The following ACOT11 variants were observed in gnomAD, a reference collection of about 807,000 sequenced individuals.
ACOT11 encodes acyl-coenzyme A thioesterase 11.
ACOT11 carries 69 observed loss-of-function variants against 77.5 expected under a neutral mutation model. The observed-to-expected ratio is 0.89, with a 90% CI of 0.73 to 1.09. The LOEUF is 1.09. Ranked by LOEUF, ACOT11 falls within the 50% of genes least tolerant of loss-of-function variation. The probability of loss-of-function intolerance (pLI) is 0.00; values close to 1 mark genes in which losing one functional copy is unlikely to be tolerated. For synonymous variants in ACOT11, 279 were observed against 313.0 expected (o/e 0.89, Z 1.15); for missense variants, 766 against 813.7 (o/e 0.94, Z 0.71).
chr1:54,585,471 C>T (rs1039794924), intron 2 of ACOT11, among the ~76,000 whole-genome samples: 9 of 152,080 alleles, frequency 5.9e-5, no homozygotes, highest in South Asian at 2.1e-4. Flanking sequence ...TCCAGAAGGC[C>T]GGGAAGCAGG....
chr1:54,585,854 C>A lies in ACOT11; in HGVS notation c.261C>A (p.Cys87Ter). 3 of 1,614,048 alleles carry A rather than the reference C, an allele frequency of 1.9e-6. No individual in the cohort carries two copies. The highest frequency in any genetic ancestry group is 2.5e-6 in the Non-Finnish European group (3 of 1,179,972). The change falls in exon 3 of 16, where the codon TGC (cysteine) becomes TGA (stop). Residue 87 changes from cysteine (C) to a stop codon, truncating the protein, a stop_gained. Transcript: ENST00000343744. LOFTEE classifies it high-confidence loss of function. ...CACCAGCGGAGAGGCACGCTGGCTG[C>A]CCCTGTGTCACAGCTTCCATGGATG... ...ACLSAERHAGCPCVTASMDDI... is the reference protein window; with the variant it reads ...ACLSAERHAG
chr1:54,593,915 C>G, intron 4 of ACOT11, 26 bp from the exon 5 acceptor site: 1 of 1,599,790 alleles, frequency 6.3e-7, no homozygotes, highest in East Asian at 2.2e-5. Context: ...GTTCCTCATT[C>G]CTTCGCCCTT....
intron 1 of ACOT11, among the ~76,000 whole-genome samples, chr1:54,559,092 G>C (rs77216727): frequency 6.6e-6 from 1 of 152,188 alleles, no homozygotes; most frequent in East Asian, 1.9e-4. Context: ...TGACATGCCT[G>C]GGTTTGCACA....
chr1:54,605,317 TG>T, intron 13 of ACOT11, 108 bp downstream of exon 13: 1 of 1,361,610 alleles, frequency 7.3e-7, no homozygotes, highest in Non-Finnish European at 9.7e-7. Context: ...CTGCTGGGGC[TG>T]GGGGTGGGTT....
intron 1 of ACOT11, among the ~76,000 whole-genome samples, chr1:54,583,353 AC>A (rs1315301733): frequency 1.3e-5 from 2 of 152,092 alleles, no homozygotes. Context: ...TGAACAAGCC[AC>A]CTCGGAGTGC....
At chr1:54,588,838 G>A (rs1455336392) in intron 3 of ACOT11, among the ~76,000 whole-genome samples, 1 of 152,168 alleles carries the variant, frequency 6.6e-6, no homozygotes, top group Non-Finnish European at 1.5e-5. Context: ...GTGGTTGGAA[G>A]GGAAAGCCAG....
intron 15 of ACOT11, among the ~76,000 whole-genome samples, chr1:54,616,638 G>A (rs150895463): frequency 0.015 from 2,288 of 152,218 alleles, 23 homozygotes; most frequent in Non-Finnish European, 0.025. Flanking sequence ...CTCCCAAAGT[G>A]CTGGGATTAC....
At chr1:54,604,865 C>T (rs540847913) in intron 12 of ACOT11, among the ~76,000 whole-genome samples, 14 of 152,356 alleles carry the variant, frequency 9.2e-5, no homozygotes, top group African/African-American at 3.4e-4. Flanking sequence ...CACATGTTGC[C>T]TTAGTCACTG....
chr1:54,632,367 C>T (rs889729696), intron 16 of ACOT11, among the ~76,000 whole-genome samples: 14 of 152,208 alleles, frequency 9.2e-5, no homozygotes, highest in African/African-American at 2.7e-4. Context: ...TGCGGAACCC[C>T]GGCAAAGGGT....
intron 13 of ACOT11, among the ~76,000 whole-genome samples, chr1:54,606,328 G>T (rs1379242987): frequency 6.6e-6 from 1 of 152,208 alleles, no homozygotes; most frequent in Non-Finnish European, 1.5e-5. Flanking sequence ...ATTTGTGGGG[G>T]AGTGGCCTGA....
In ACOT11 at chr1:54,604,417, G is replaced by A. The variant is rs768346039; in HGVS notation, c.1224G>A (p.Ser408=). ...CCAAGGACAACTGGGTGCTGTCCTC[G>A]GAGATCAGTCAGGTAGCTGACCCCA... The part of the protein sequence containing the change: ...LVAKDNWVLS[S]EISQVRLYTL... The change falls in exon 12 of 16, where the codon TCG becomes TCA. Residue 408 remains serine (S), a synonymous_variant. Coordinates refer to ENST00000343744, the MANE Select transcript of ACOT11 (RefSeq NM_147161.4). The A allele has an allele frequency of 3.7e-6, 6 of 1,613,812 alleles. No homozygotes were observed. The Admixed American group carries it at 5.0e-5, about 13-fold the overall frequency.
chr1:54,617,873 A>G (rs1644190275), intron 15 of ACOT11, among the ~76,000 whole-genome samples: 1 of 151,556 alleles, frequency 6.6e-6, no homozygotes, highest in Non-Finnish European at 1.5e-5. Context: ...ACAGGTATGC[A>G]CCACCACCAT....
At chr1:54,596,973 T>A (rs1643894684) in intron 6 of ACOT11, among the ~76,000 whole-genome samples, 1 of 152,226 alleles carries the variant, frequency 6.6e-6, no homozygotes, top group Non-Finnish European at 1.5e-5. Flanking sequence ...CAACCGAGGC[T>A]CAGAGGGATT....
chr1:54,572,006 TCC>T (rs1428041109), intron 1 of ACOT11, among the ~76,000 whole-genome samples: 1 of 151,824 alleles, frequency 6.6e-6, no homozygotes, highest in Non-Finnish European at 1.5e-5. Flanking sequence ...GGGCAGGAAG[TCC>T]TGGCTGCAGC....
intron 1 of ACOT11, among the ~76,000 whole-genome samples, chr1:54,564,259 A>G (rs1653657185): frequency 6.6e-6 from 1 of 152,144 alleles, no homozygotes; most frequent in South Asian, 2.1e-4. Context: ...AAGAAAAAAT[A>G]AAATAAAAAA....
At chr1:54,606,712 G>C (rs965133543) in intron 13 of ACOT11, among the ~76,000 whole-genome samples, 1 of 152,352 alleles carries the variant, frequency 6.6e-6, no homozygotes, top group South Asian at 2.1e-4. Context: ...CTGGCACTCA[G>C]TGGGCGCTCA....
At chr1:54,631,145 A>C (rs1038023679) in intron 16 of ACOT11, among the ~76,000 whole-genome samples, 1 of 152,138 alleles carries the variant, frequency 6.6e-6, no homozygotes, top group South Asian at 2.1e-4. Flanking sequence ...TCTTTTCCGG[A>C]GGACACTGGG....
intron 15 of ACOT11, among the ~76,000 whole-genome samples, chr1:54,618,064 G>A (rs564949674): frequency 1.3e-5 from 2 of 151,524 alleles, no homozygotes; most frequent in Admixed American, 6.6e-5. Context: ...CCAGGGATGC[G>A]CCTGCTGCTG....
chr1:54,554,351 A>ATATATATATATATT (rs1553161034), intron 1 of ACOT11, among the ~76,000 whole-genome samples: 1 of 97,258 alleles, frequency 1.0e-5, no homozygotes, highest in African/African-American at 4.3e-5. Context: ...ATATATATAT[A>ATATATATATATATT]TTTTTTTTTT....
Sources: allele counts gnomAD v4.1 joint callset (sites outside exome capture counted in the v4.1 genomes callset), GRCh38; gene constraint gnomAD v4.1.1; transcripts MANE v1.5; gene names NCBI Gene and HGNC (gene_info 2026-07-23, HGNC 2026-07-21).